The following SORCS2 variants were observed in gnomAD, a reference collection of about 807,000 sequenced individuals.
SORCS2 encodes the protein VPS10 domain-containing receptor SorCS2.
Under a neutral mutation model 141.6 loss-of-function variants are expected in SORCS2, and 100 were observed. That is an observed-to-expected ratio of 0.71 (90% CI 0.60 to 0.83). SORCS2 has a LOEUF of 0.83. SORCS2 is among the 40% of genes least tolerant of loss of function. SORCS2 has a pLI of 0.00. For missense variants in SORCS2, 1,646 were observed against 1,560.2 expected, an observed-to-expected ratio of 1.05 and a Z score of -0.93; for synonymous variants, 789 against 676.9, an observed-to-expected ratio of 1.17 and a Z score of -2.57.
At position 7,740,202 on chromosome 4, in the gene SORCS2, A is replaced by C. The variant is rs1712551057; in HGVS notation, c.3418A>C (p.Asn1140His). ...CCTGCGTCTCTTCTGTTTCCTAGGCAACCACTCAGGCGTGGTCCTGAGCAT... is the reference window on the plus strand; with the variant it reads ...CCTGCGTCTCTTCTGTTTCCTAGGCCACCACTCAGGCGTGGTCCTGAGCAT... ...SEDVQGAVQG[N>H]HSGVVLSINS... Residue 1140 changes from asparagine (N) to histidine (H), a missense_variant and splice_region_variant, in exon 27 of 27, where the codon AAC (asparagine) becomes CAC (histidine). Asn to His is a moderately conservative substitution (Grantham distance 68). Coordinates refer to ENST00000507866, the MANE Select transcript of SORCS2 (RefSeq NM_020777.3). The C allele has an allele frequency of 6.2e-7, 1 of 1,607,680 alleles. No homozygotes were observed. Among genetic ancestry groups the C allele is most frequent in the Non-Finnish European group, 8.5e-7 (1 of 1,178,974 alleles).
rs763055713 is a variant in SORCS2, at chr4:7,686,912, C to T, written c.1489-2574C>T. Among the ~76,000 whole-genome samples, 7 of 152,302 alleles carry T rather than the reference C, an allele frequency of 4.6e-5. No homozygotes were observed. In the South Asian group the frequency reaches 6.2e-4, roughly 14 times the overall value. ...CTGTGTTCACCAGTGGCCTGCAGGC[C>T]GTAACTGGCCACCCCACAGGGAACC... On this transcript the variant is annotated intron_variant, in intron 10 of 26. Coordinates refer to ENST00000507866, the MANE Select transcript of SORCS2 (RefSeq NM_020777.3).
chr4:7,402,587 T>C (rs1176562547), intron 2 of SORCS2, among the ~76,000 whole-genome samples: 1 of 152,166 alleles, frequency 6.6e-6, no homozygotes, highest in Admixed American at 6.5e-5. Context: ...ATTTTGCCAC[T>C]CCAATCAGGG....
rs1032342050 is a variant in SORCS2, at chr4:7,374,136, T to A, written c.481-22152T>A. Among the ~76,000 whole-genome samples, 160 of 106,368 alleles carry A rather than the reference T, an allele frequency of 1.5e-3. 1 individual carries two copies. The highest frequency in any genetic ancestry group is 5.8e-3 in the African/African-American group (150 of 25,812). The allele number at this position is 106,368 out of a possible 152,430, so 69.8% of individuals were successfully genotyped here. Reference sequence around the variant, plus strand: ...CTTTCTTTCTTTCTTTCCCTCTTTCTTTCTTTCTTTCTTTCTTTCTTTCTT... The same window carrying A: ...CTTTCTTTCTTTCTTTCCCTCTTTCATTCTTTCTTTCTTTCTTTCTTTCTT... On this transcript the variant is annotated intron_variant, in intron 1 of 26. Coordinates refer to ENST00000507866, the MANE Select transcript of SORCS2 (RefSeq NM_020777.3).
At chr4:7,305,001 C>T (rs1226846644) in intron 1 of SORCS2, among the ~76,000 whole-genome samples, 14 of 151,502 alleles carry the variant, frequency 9.2e-5, no homozygotes, top group Admixed American at 8.5e-4. Context: ...GCTCCAGAGT[C>T]GTTCCTTACT....
intron 14 of SORCS2, among the ~76,000 whole-genome samples, chr4:7,711,236 C>T (rs1360402566): frequency 3.9e-5 from 6 of 152,204 alleles, no homozygotes; most frequent in Admixed American, 2.6e-4. Flanking sequence ...CATGGACCGC[C>T]GCAGGCTTGC....
chr4:7,599,382 C>T (rs1560415958), intron 3 of SORCS2, among the ~76,000 whole-genome samples: 1 of 152,208 alleles, frequency 6.6e-6, no homozygotes, highest in East Asian at 1.9e-4. Context: ...TCAGAAACAG[C>T]ACCGTCCCCC....
At chr4:7,351,248 A>G (rs1361907952) in intron 1 of SORCS2, among the ~76,000 whole-genome samples, 1 of 152,120 alleles carries the variant, frequency 6.6e-6, no homozygotes, top group Non-Finnish European at 1.5e-5. Flanking sequence ...GCACATATTC[A>G]TAAAGCGGCA....
chr4:7,447,091 T>G (rs1162366539), intron 2 of SORCS2, among the ~76,000 whole-genome samples: 1 of 152,186 alleles, frequency 6.6e-6, no homozygotes, highest in Non-Finnish European at 1.5e-5. Context: ...TAGAAGCAGG[T>G]CCCAAAAGGA....
chr4:7,416,688 G>T (rs570169617), intron 2 of SORCS2, among the ~76,000 whole-genome samples: 1 of 149,008 alleles, frequency 6.7e-6, no homozygotes. Context: ...ACTCAGACAC[G>T]CATGCATGCA....
intron 2 of SORCS2, among the ~76,000 whole-genome samples, chr4:7,463,303 C>T (rs1042992237): frequency 2.6e-4 from 40 of 152,142 alleles, no homozygotes; most frequent in Admixed American, 7.9e-4. Context: ...TGGTATCAGA[C>T]CCGGCTTTGA....
intron 1 of SORCS2, among the ~76,000 whole-genome samples, chr4:7,270,512 G>T (rs980168861): frequency 1.3e-5 from 2 of 152,204 alleles, no homozygotes; most frequent in African/African-American, 4.8e-5. Context: ...GTGGGATCTG[G>T]CCCCGCAGCT....
rs898760759 is a variant in SORCS2 at position 7,740,823 on chromosome 4, ATGCCTCTCTAGGTAGC to A, written c.*563_*578del. ...CCGGCTGGAAACTGCAGCTCTGTAA[ATGCCTCTCTAGGTAGC>A]TGCTGGCGGTGGTGGGGGTGTCTCA... is the stretch of plus-strand genomic sequence containing the variant. On this transcript the variant is annotated 3_prime_UTR_variant, in exon 27 of 27. Coordinates refer to ENST00000507866, the MANE Select transcript of SORCS2 (RefSeq NM_020777.3). 29 of 382,544 alleles carry A rather than the reference ATGCCTCTCTAGGTAGC, an allele frequency of 7.6e-5. No homozygotes were observed. Among genetic ancestry groups the A allele is most frequent in the Middle Eastern group, 6.7e-4 (1 of 1,494 alleles). 23.7% of individuals were successfully genotyped at this position (382,544 alleles called of 1,614,324 possible).
intron 2 of SORCS2, among the ~76,000 whole-genome samples, chr4:7,479,751 G>T (rs1233134769): frequency 1.3e-5 from 2 of 152,258 alleles, no homozygotes; most frequent in East Asian, 1.9e-4. Context: ...CATGGTTCTA[G>T]GATACAGATG....
chr4:7,473,427 G>A (rs183694774), intron 2 of SORCS2, among the ~76,000 whole-genome samples: 21 of 152,302 alleles, frequency 1.4e-4, no homozygotes, highest in African/African-American at 5.1e-4. Context: ...GCAGGGAGCG[G>A]CTCCAGAAGA....
intron 3 of SORCS2, among the ~76,000 whole-genome samples, chr4:7,543,859 T>TCCAGCCACCCACCCCC (rs1560373610): frequency 1.4e-5 from 1 of 71,376 alleles, no homozygotes; most frequent in African/African-American, 4.9e-5. Flanking sequence ...CGTCCATCCA[T>TCCAGCCACCCACCCCC]CCACCCATCC....
intron 1 of SORCS2, among the ~76,000 whole-genome samples, chr4:7,353,498 A>G (rs1284543297): frequency 6.6e-6 from 1 of 152,188 alleles, no homozygotes; most frequent in African/African-American, 2.4e-5. Context: ...GGGCTCTGTG[A>G]TGACAGTCCA....
At chr4:7,228,542 C>T (rs1415459297) in intron 1 of SORCS2, among the ~76,000 whole-genome samples, 2 of 152,164 alleles carry the variant, frequency 1.3e-5, no homozygotes, top group African/African-American at 4.8e-5. Context: ...GGTGATCGTC[C>T]TGCCTACACA....
chr4:7,354,989 A>G (rs2109012963), intron 1 of SORCS2, among the ~76,000 whole-genome samples: 1 of 152,226 alleles, frequency 6.6e-6, no homozygotes, highest in South Asian at 2.1e-4. Context: ...TCCAAACAGT[A>G]TCAAGTGATA....
rs1019764823 is a variant in SORCS2 at position 7,423,324 on chromosome 4, G to T, written c.548+26969G>T. Reference sequence around the variant, plus strand: ...GTGGCCTGTGTGTCTGCTCCATTAGGTGACAGGCTCAAGGGAGCAGCATCC... The same window carrying T: ...GTGGCCTGTGTGTCTGCTCCATTAGTTGACAGGCTCAAGGGAGCAGCATCC... On this transcript the variant is annotated intron_variant, in intron 2 of 26. Transcript: ENST00000507866. Among the ~76,000 whole-genome samples the T allele has an allele frequency of 4.6e-5, 7 of 152,182 alleles. No homozygotes were observed. The East Asian group carries it at 1.2e-3, about 25-fold the overall frequency.
Sources: gnomAD v4.1 joint callset for allele counts (sites outside exome capture counted in the v4.1 genomes callset) on GRCh38, gnomAD v4.1.1 for gene constraint, MANE v1.5 for transcripts, NCBI Gene and HGNC (gene_info 2026-07-23, HGNC 2026-07-21) for gene names.